GNB1L: variants seen among roughly 807,000 people sequenced by gnomAD.
GNB1L encodes the protein G protein subunit beta 1 like, also known as guanine nucleotide-binding protein subunit beta-like protein 1.
A neutral mutation model predicts 29.1 loss-of-function variants in GNB1L; 20 were observed. The ratio of observed to expected loss-of-function variants is 0.69; its 90% CI spans 0.48 to 1.00. GNB1L has a LOEUF of 1.00. Among genes scored for constraint, GNB1L ranks in the 50% least tolerant of loss-of-function variants. GNB1L has a pLI of 0.00. For synonymous variants in GNB1L, 193 were observed against 206.5 expected (o/e 0.93, Z 0.56); for missense variants, 421 against 464.9 (o/e 0.91, Z 0.87).
At chr22:19,813,257 G>A (rs1309445643) in intron 4 of GNB1L, among the ~76,000 whole-genome samples, 6 of 152,198 alleles carry the variant, frequency 3.9e-5, no homozygotes, top group African/African-American at 1.2e-4. Context: ...CCTAACCCAA[G>A]TCTTGGTTTC....
intron 2 of GNB1L, among the ~76,000 whole-genome samples, chr22:19,844,224 G>A (rs1381020101): frequency 2.6e-5 from 4 of 152,200 alleles, no homozygotes; most frequent in Admixed American, 1.3e-4. Flanking sequence ...CTGGGGACAC[G>A]CCCAAATGGC....
In GNB1L at chr22:19,814,848, C is replaced by CA. The variant is rs1937518856; in HGVS notation, c.255-2402dup. ...AGGAGTTCAAGACCAGTCTGGGTAA[C>CA]ATAGTGAGACTCCATCTCTACAAAA... On this transcript the variant is annotated intron_variant, in intron 4 of 7. Transcript: ENST00000329517. Among the ~76,000 whole-genome samples, 6 of 152,226 alleles carry CA rather than the reference C, an allele frequency of 3.9e-5. 2 individuals carry two copies. In the South Asian group the frequency reaches 1.2e-3, roughly 32 times the overall value.
intron 2 of GNB1L, chr22:19,851,500 C>T (rs1569058254): frequency 1.2e-6 from 2 of 1,614,134 alleles, no homozygotes. Context: ...GCTGCTCGAA[C>T]AGAGCACTTC....
At chr22:19,812,135 C>G (rs571927071) in intron 5 of GNB1L, 150 bp downstream of exon 5, 1 of 766,010 alleles carries the variant, frequency 1.3e-6, no homozygotes, top group Non-Finnish European at 2.1e-6. Context: ...CAGGCCTAGC[C>G]GGCTGTGCAT....
rs899836963 is a variant in GNB1L at position 19,854,844 on chromosome 22, T to A, written c.-142A>T. 2 of 152,270 alleles carry A rather than the reference T, an allele frequency of 1.3e-5. No individual in the cohort carries two copies. Among genetic ancestry groups the A allele is most frequent in the Admixed American group, 6.5e-5 (1 of 15,288 alleles). The allele number at this position is 152,270 out of a possible 1,614,324, so 9.4% of individuals were successfully genotyped here. A position where few individuals can be genotyped will look rare whatever the true frequency, so the allele number is the denominator to read the frequency against. On this transcript the variant is annotated 5_prime_UTR_variant, in exon 1 of 8. Transcript: ENST00000329517. ...CCCTCTTGCCGGAGTCGGGAACGCC[T>A]GCTCCTAGGAGCGCCGCGCAGCGTC... is the stretch of plus-strand genomic sequence containing the variant.
intron 2 of GNB1L, among the ~76,000 whole-genome samples, chr22:19,834,257 C>A (rs1012416395): frequency 6.6e-6 from 1 of 152,162 alleles, no homozygotes; most frequent in Non-Finnish European, 1.5e-5. Flanking sequence ...AAGGGTGGAA[C>A]ATCTTTGTTA....
intron 7 of GNB1L, among the ~76,000 whole-genome samples, chr22:19,796,019 G>A (rs1937302428): frequency 6.6e-6 from 1 of 152,244 alleles, no homozygotes; most frequent in Non-Finnish European, 1.5e-5. Context: ...CATAAGAGAT[G>A]TGTCTACGCC....
chr22:19,853,129 C>T (rs563685667), intron 2 of GNB1L, among the ~76,000 whole-genome samples: 2 of 152,124 alleles, frequency 1.3e-5, no homozygotes, highest in African/African-American at 4.8e-5. Flanking sequence ...TCCAAATTCA[C>T]CTCTCACAAC....
chr22:19,802,815 G>A (rs560843685), intron 6 of GNB1L, among the ~76,000 whole-genome samples: 2 of 152,356 alleles, frequency 1.3e-5, no homozygotes, highest in African/African-American at 4.8e-5. Context: ...AGCCGCCCGA[G>A]CTCTTGTGAT....
At chr22:19,852,365 G>T in intron 2 of GNB1L, 2 of 1,296,188 alleles carry the variant, frequency 1.5e-6, no homozygotes, top group South Asian at 2.8e-5. Context: ...TGGCTGAACA[G>T]GGCGTGGCAG....
At chr22:19,806,264 C>T (rs1002014408) in intron 6 of GNB1L, among the ~76,000 whole-genome samples, 3 of 152,258 alleles carry the variant, frequency 2.0e-5, no homozygotes, top group African/African-American at 2.4e-5. Flanking sequence ...AAGCGGGGGC[C>T]GTGCAGGCTT....
In GNB1L at chr22:19,821,268, C is replaced by G; in HGVS notation, c.88G>C (p.Glu30Gln). The change falls in exon 3 of 8, where the codon GAA (glutamate) becomes CAA (glutamine). Residue 30 changes from glutamate to glutamine, a missense_variant. Glu to Gln is a conservative substitution (Grantham distance 29). Coordinates refer to ENST00000329517, the MANE Select transcript of GNB1L (RefSeq NM_053004.3). ...GGGCGCCCCTGAGCCTGGGCTCCTTCGCAGAAGTGCAGCGCATGCACCGGT... is the reference window on the plus strand; with the variant it reads ...GGGCGCCCCTGAGCCTGGGCTCCTTGGCAGAAGTGCAGCGCATGCACCGGT... ...QSPVHALHFCEGAQAQGRPLL... is the reference protein window; with the variant it reads ...QSPVHALHFCQGAQAQGRPLL... 7.4e-6 allele frequency: 12 copies of G among 1,613,184 alleles called. No individual in the cohort carries two copies. Among genetic ancestry groups the G allele is most frequent in the Non-Finnish European group, 9.3e-6 (11 of 1,179,732 alleles).
chr22:19,815,255 G>A (rs1183450157), intron 4 of GNB1L, among the ~76,000 whole-genome samples: 2 of 152,154 alleles, frequency 1.3e-5, no homozygotes, highest in Non-Finnish European at 2.9e-5. Context: ...CGGTTGTGGT[G>A]CCCACGCCAC....
intron 2 of GNB1L, among the ~76,000 whole-genome samples, chr22:19,841,176 G>C (rs546799694): frequency 7.2e-5 from 11 of 152,212 alleles, no homozygotes; most frequent in Non-Finnish European, 1.6e-4. Flanking sequence ...GTCATGCGCA[G>C]AGCAAGATGC....
chr22:19,825,808 ATT>A (rs898077356), intron 2 of GNB1L, among the ~76,000 whole-genome samples: 1 of 151,036 alleles, frequency 6.6e-6, no homozygotes, highest in Non-Finnish European at 1.5e-5. Flanking sequence ...AAATAAATAA[ATT>A]AGCTGGGCAT....
chr22:19,824,331 G>A (rs1372044019), intron 2 of GNB1L, among the ~76,000 whole-genome samples: 1 of 151,992 alleles, frequency 6.6e-6, no homozygotes, highest in African/African-American at 2.4e-5. Flanking sequence ...AGGCTGTGGA[G>A]CAAAGGCCGC....
intron 2 of GNB1L, chr22:19,851,863 C>T (rs1239970011): frequency 3.7e-6 from 6 of 1,613,832 alleles, no homozygotes; most frequent in East Asian, 2.2e-5. Context: ...TGATGTTGTC[C>T]TGATAGTGCT....
chr22:19,815,309 C>T (rs900155099), intron 4 of GNB1L, among the ~76,000 whole-genome samples: 7 of 152,200 alleles, frequency 4.6e-5, no homozygotes, highest in Non-Finnish European at 8.8e-5. Flanking sequence ...AACTCGGTCC[C>T]GTCCAAATCT....
At chr22:19,843,938 G>A (rs1204905985) in intron 2 of GNB1L, among the ~76,000 whole-genome samples, 1 of 152,166 alleles carries the variant, frequency 6.6e-6, no homozygotes, top group Admixed American at 6.5e-5. Context: ...CTCCCCTAGG[G>A]TATAGCTGCC....
Sources: gnomAD v4.1 joint callset for allele counts (sites outside exome capture counted in the v4.1 genomes callset) on GRCh38, gnomAD v4.1.1 for gene constraint, MANE v1.5 for transcripts, NCBI Gene and HGNC (gene_info 2026-07-23, HGNC 2026-07-21) for gene names.